NME7: variants seen among roughly 807,000 people sequenced by gnomAD.
The protein encoded by NME7 is NME/NM23 family member 7, also known as nucleoside diphosphate kinase 7.
A neutral mutation model predicts 49.1 loss-of-function variants in NME7; 41 were observed. The observed-to-expected ratio is 0.83, with a 90% CI of 0.65 to 1.08. The LOEUF is 1.08. Ranked by LOEUF, NME7 falls within the 50% of genes least tolerant of loss-of-function variation. The pLI, the probability that NME7 is intolerant of heterozygous loss-of-function variation, is 0.00. For missense variants in NME7, 423 were observed against 463.4 expected (o/e 0.91, Z 0.80); for synonymous variants, 139 against 150.6 (o/e 0.92, Z 0.56).
intron 7 of NME7, among the ~76,000 whole-genome samples, chr1:169,261,173 T>G (rs1649148971): frequency 7.5e-6 from 1 of 134,086 alleles, no homozygotes; most frequent in South Asian, 2.3e-4. Context: ...ACTGAAAAGG[T>G]ATAAAGAAAC....
At chr1:169,259,680 G>A (rs1413267460) in intron 7 of NME7, among the ~76,000 whole-genome samples, 1 of 134,086 alleles carries the variant, frequency 7.5e-6, no homozygotes, top group African/African-American at 2.5e-5. Context: ...AATCTATGAT[G>A]CAAAGCCAAA....
intron 10 of NME7, among the ~76,000 whole-genome samples, chr1:169,187,814 G>A (rs1474874908): frequency 7.2e-5 from 11 of 152,122 alleles, no homozygotes; most frequent in South Asian, 2.1e-4. Context: ...GTTTTTACCC[G>A]TTAGTTGATG....
chr1:169,290,375 T>C (rs1650450146), intron 6 of NME7, among the ~76,000 whole-genome samples: 1 of 152,238 alleles, frequency 6.6e-6, no homozygotes, highest in South Asian at 2.1e-4. Flanking sequence ...TCTCCAACCA[T>C]CTGATCTTTG....
rs568737207 is a variant in NME7, at chr1:169,264,771, C to T, written c.754+22532G>A. 1.8e-4 allele frequency among the ~76,000 whole-genome samples: 24 copies of T among 133,576 alleles called. 1 individual carries two copies. Among genetic ancestry groups the T allele is most frequent in the African/African-American group, 5.8e-4 (23 of 39,572 alleles). 87.6% of individuals were successfully genotyped at this position (133,576 alleles called of 152,430 possible). A position where few individuals can be genotyped will look rare whatever the true frequency, so the allele number is the denominator to read the frequency against. ...ACCAAATGGATCTAATAGACATCTA[C>T]AGAACTCATCACCCTAAGAAGACAG... On this transcript the variant is annotated intron_variant, in intron 7 of 11. Transcript: ENST00000367811.
chr1:169,313,207 G>GAAA (rs35862763), intron 3 of NME7, among the ~76,000 whole-genome samples: 27 of 126,194 alleles, frequency 2.1e-4, no homozygotes, highest in South Asian at 5.6e-4. Context: ...GGACAAAAGT[G>GAAA]AAAAAAAAAA....
intron 10 of NME7, chr1:169,190,724 TA>T: frequency 7.3e-6 from 3 of 411,426 alleles, no homozygotes; most frequent in South Asian, 1.7e-5. Flanking sequence ...AGAGGCAATA[TA>T]AAAAAAGTGT....
At chr1:169,351,594 G>A (rs558929386) in intron 1 of NME7, among the ~76,000 whole-genome samples, 1 of 151,040 alleles carries the variant, frequency 6.6e-6, no homozygotes, top group South Asian at 2.1e-4. Context: ...AGAAATAAAT[G>A]AATTTGAAAT....
rs189707046 is a variant in NME7, at chr1:169,191,111, C to T, written c.991-21557G>A. The stretch of plus-strand genomic sequence containing the variant: ...ACAGGCGTGAGCCACCGCGCCCGGC[C>T]GCAAGTGAACTGTTTCTAAGAAAAC... On this transcript the variant is annotated intron_variant, in intron 10 of 11. Transcript: ENST00000367811. Among the ~76,000 whole-genome samples the T allele has an allele frequency of 1.1e-4, 7 of 61,154 alleles. 1 individual carries two copies. Among genetic ancestry groups the T allele is most frequent in the African/African-American group, 3.2e-4 (7 of 21,814 alleles). The allele number at this position is 61,154 out of a possible 152,430, so 40.1% of individuals were successfully genotyped here.
chr1:169,202,140 A>G (rs780667656), intron 10 of NME7, among the ~76,000 whole-genome samples: 1 of 152,180 alleles, frequency 6.6e-6, no homozygotes, highest in Non-Finnish European at 1.5e-5. Flanking sequence ...TGCTGCACAT[A>G]GTAACTGATA....
At chr1:169,216,889 T>A (rs75134881) in intron 10 of NME7, among the ~76,000 whole-genome samples, 3 of 152,242 alleles carry the variant, frequency 2.0e-5, no homozygotes, top group African/African-American at 7.2e-5. Flanking sequence ...ACTGTTGTGA[T>A]ATAAAAGCAG....
intron 10 of NME7, among the ~76,000 whole-genome samples, chr1:169,196,875 T>A (rs1014814132): frequency 4.6e-4 from 70 of 152,200 alleles, no homozygotes; most frequent in African/African-American, 1.6e-3. Context: ...GATCCCAGGA[T>A]GCAGTCCTCT....
At chr1:169,349,942 G>T (rs1028777646) in intron 1 of NME7, among the ~76,000 whole-genome samples, 2 of 152,096 alleles carry the variant, frequency 1.3e-5, no homozygotes, top group Admixed American at 6.6e-5. Flanking sequence ...TGTAATCCCA[G>T]CACTTTGGGA....
intron 1 of NME7, among the ~76,000 whole-genome samples, chr1:169,364,211 C>T (rs893994644): frequency 2.0e-5 from 3 of 152,148 alleles, no homozygotes; most frequent in Non-Finnish European, 4.4e-5. Flanking sequence ...GCATGAATTC[C>T]TCCAACAGTT....
chr1:169,135,572 T>C (rs893002403), intron 11 of NME7, among the ~76,000 whole-genome samples: 1 of 152,168 alleles, frequency 6.6e-6, no homozygotes, highest in Admixed American at 6.5e-5. Flanking sequence ...TGAGAAAACA[T>C]GACTTTCTCC....
At chr1:169,246,982 C>T (rs939450178) in intron 7 of NME7, 7 of 449,218 alleles carry the variant, frequency 1.6e-5, no homozygotes, top group Non-Finnish European at 3.1e-5. Context: ...AAAACAGGCT[C>T]CATACCATCA....
intron 7 of NME7, among the ~76,000 whole-genome samples, chr1:169,277,160 T>C (rs141196344): frequency 0.011 from 1,673 of 150,350 alleles, 73 homozygotes; most frequent in African/African-American, 0.039. Flanking sequence ...ATATGTATAT[T>C]CTGTTGATTT....
chr1:169,224,850 GTAAA>G (rs1176935146), intron 10 of NME7, among the ~76,000 whole-genome samples: 1 of 152,068 alleles, frequency 6.6e-6, no homozygotes, highest in Non-Finnish European at 1.5e-5. Context: ...TAGACAGACG[GTAAA>G]TAAATAAGTA....
chr1:169,216,565 T>G (rs560230782), intron 10 of NME7, among the ~76,000 whole-genome samples: 183 of 152,364 alleles, frequency 1.2e-3, no homozygotes, highest in Non-Finnish European at 1.6e-3. Flanking sequence ...CCCTTAGTTC[T>G]GTGAGTTGCT....
chr1:169,158,074 C>T (rs1659131554), intron 11 of NME7, among the ~76,000 whole-genome samples: 1 of 152,136 alleles, frequency 6.6e-6, no homozygotes, highest in Non-Finnish European at 1.5e-5. Flanking sequence ...CTCACTGGGA[C>T]AGTGGTTTCT....
Sources: allele counts gnomAD v4.1 joint callset (sites outside exome capture counted in the v4.1 genomes callset), GRCh38; gene constraint gnomAD v4.1.1; transcripts MANE v1.5; gene names NCBI Gene and HGNC (gene_info 2026-07-23, HGNC 2026-07-21).